Variants in PHACTR4 observed in about 807,000 individuals in gnomAD.
PHACTR4 encodes protein phosphatase 1, regulatory subunit 124.
In PHACTR4, 51 loss-of-function variants were observed where a neutral mutation model predicts 72.7. That is an observed-to-expected ratio of 0.70 (90% CI 0.56 to 0.89). The LOEUF (loss-of-function observed/expected upper bound fraction) is 0.89, where lower values mean the gene tolerates loss of function less well. Ranked by LOEUF, PHACTR4 falls within the 40% of genes least tolerant of loss-of-function variation. The probability of loss-of-function intolerance (pLI) is 0.00; values close to 1 mark genes in which losing one functional copy is unlikely to be tolerated. For synonymous variants in PHACTR4, 255 were observed against 302.5 expected (o/e 0.84, Z 1.63); for missense variants, 731 against 861.8 (o/e 0.85, Z 1.90).
intron 1 of PHACTR4, among the ~76,000 whole-genome samples, chr1:28,383,152 A>C (rs1254770039): frequency 6.6e-6 from 1 of 152,164 alleles, no homozygotes; most frequent in Non-Finnish European, 1.5e-5. Flanking sequence ...GGCTTATCAA[A>C]GATCAGATAC....
Position 28,407,034 on chromosome 1 carries a change from T to C in PHACTR4, c.-38-376T>C, listed in dbSNP as rs143367653. On this transcript the variant is annotated intron_variant, in intron 1 of 13. Coordinates refer to ENST00000373839, the MANE Select transcript of PHACTR4 (RefSeq NM_001048183.3). The stretch of plus-strand genomic sequence containing the variant: ...AATGAGGATTGGAAAGGGAGCTTAT[T>C]TGAGGAAACTGACAATAATATATTT... Among the ~76,000 whole-genome samples, 632 of 152,302 alleles carry C rather than the reference T, an allele frequency of 4.1e-3. 5 individuals are homozygous for C. Among genetic ancestry groups the C allele is most frequent in the African/African-American group, 0.014 (599 of 41,564 alleles).
intron 6 of PHACTR4, among the ~76,000 whole-genome samples, chr1:28,469,481 G>T (rs573919456): frequency 6.6e-6 from 1 of 152,308 alleles, no homozygotes; most frequent in South Asian, 2.1e-4. Context: ...ACAGCCAGAT[G>T]CTGTTGTCAG....
At chr1:28,488,204 C>G (rs966677338) in intron 9 of PHACTR4, among the ~76,000 whole-genome samples, 3 of 152,004 alleles carry the variant, frequency 2.0e-5, no homozygotes, top group Non-Finnish European at 4.4e-5. Context: ...ATTTAAAAAC[C>G]TAGCTGGGCA....
intron 1 of PHACTR4, among the ~76,000 whole-genome samples, chr1:28,394,603 T>C (rs1221137126): frequency 6.6e-6 from 1 of 151,604 alleles, no homozygotes; most frequent in African/African-American, 2.4e-5. Flanking sequence ...CTTTTCTTTT[T>C]TTTTTTTTTG....
chr1:28,386,203 C>G (rs566938010), intron 1 of PHACTR4, among the ~76,000 whole-genome samples: 2 of 152,114 alleles, frequency 1.3e-5, no homozygotes, highest in East Asian at 3.9e-4. Context: ...AAACAATTCT[C>G]CTGCCTCAGC....
chr1:28,421,715 G>A (rs983453080), intron 2 of PHACTR4, among the ~76,000 whole-genome samples: 2 of 152,048 alleles, frequency 1.3e-5, no homozygotes, highest in Non-Finnish European at 2.9e-5. Flanking sequence ...GTAATCAAAG[G>A]GCACAAATAG....
chr1:28,434,785 G>A (rs1324188682), intron 2 of PHACTR4, among the ~76,000 whole-genome samples: 1 of 152,036 alleles, frequency 6.6e-6, no homozygotes, highest in Non-Finnish European at 1.5e-5. Flanking sequence ...TCCTACCTTC[G>A]CCTGTCCAAA....
rs140304380 is a variant in PHACTR4, at chr1:28,402,947, A to G, written c.-38-4463A>G. Among the ~76,000 whole-genome samples the G allele has an allele frequency of 2.2e-3, 334 of 152,328 alleles. 1 individual carries two copies. The highest frequency in any genetic ancestry group is 7.6e-3 in the African/African-American group (318 of 41,580). ...CTTTGGAAGAGTTCAGTATAATCTA[A>G]TAGAGAAATTAAAGGTCTATAAGAG... is the stretch of plus-strand genomic sequence containing the variant. On this transcript the variant is annotated intron_variant, in intron 1 of 13. Transcript: ENST00000373839.
At chr1:28,434,902 A>G (rs1276016415) in intron 2 of PHACTR4, among the ~76,000 whole-genome samples, 1 of 152,146 alleles carries the variant, frequency 6.6e-6, no homozygotes, top group Non-Finnish European at 1.5e-5. Flanking sequence ...CTATACCTAG[A>G]TCCATAAATC....
At chr1:28,476,787 T>TTTTTTTTTTTTTTTTGTTG (rs1659951822) in intron 8 of PHACTR4, among the ~76,000 whole-genome samples, 1 of 143,500 alleles carries the variant, frequency 7.0e-6, no homozygotes. Context: ...TTTTTTTTTT[T>TTTTTTTTTTTTTTTTGTTG]GAGACGGAGT....
chr1:28,498,577 G>GA lies in PHACTR4; in HGVS notation c.*2035dup, dbSNP rs1271685253. 6.6e-6 allele frequency: 1 copy of GA among 152,142 alleles called. No homozygotes were observed. Among genetic ancestry groups the GA allele is most frequent in the African/African-American group, 2.4e-5 (1 of 41,428 alleles). The allele number at this position is 152,142 out of a possible 1,614,324, so 9.4% of individuals were successfully genotyped here. ...ATTCCTATCCACACTATAAATGGAA[G>GA]AAAAAAATTAATAGCTTCTGTTTAA... On this transcript the variant is annotated 3_prime_UTR_variant, in exon 14 of 14. Transcript: ENST00000373839.
rs200545751 is a variant in PHACTR4 at position 28,424,197 on chromosome 1, TA to T, written c.16+16735del. Among the ~76,000 whole-genome samples, 410 of 151,918 alleles carry T rather than the reference TA, an allele frequency of 2.7e-3. 1 individual carries two copies. The highest frequency in any genetic ancestry group is 9.4e-3 in the African/African-American group (387 of 41,374). Reference sequence around the variant, plus strand: ...AAAAATTATTAATTAATTATTTTTTTATTTTTATTTTTGAGGCAGGGTCTCA... The same window carrying T: ...AAAAATTATTAATTAATTATTTTTTTTTTTTATTTTTGAGGCAGGGTCTCA... On this transcript the variant is annotated intron_variant, in intron 2 of 13. Transcript: ENST00000373839.
intron 1 of PHACTR4, among the ~76,000 whole-genome samples, chr1:28,393,543 TAAAC>T (rs1268161926): frequency 4.6e-5 from 7 of 152,208 alleles, no homozygotes; most frequent in Non-Finnish European, 1.0e-4. Flanking sequence ...ATGCTGGTAG[TAAAC>T]AAACCTGTGC....
chr1:28,376,971 A>G (rs1651729194), intron 1 of PHACTR4, among the ~76,000 whole-genome samples: 1 of 146,832 alleles, frequency 6.8e-6, no homozygotes, highest in Middle Eastern at 4.0e-3. Flanking sequence ...TGCTCTTGTC[A>G]CTCAGGTTGG....
intron 8 of PHACTR4, among the ~76,000 whole-genome samples, chr1:28,479,606 C>T (rs1483019011): frequency 6.7e-6 from 1 of 148,730 alleles, no homozygotes; most frequent in Non-Finnish European, 1.5e-5. Flanking sequence ...AAAAAAGAGG[C>T]CAGGCGTGGT....
At chr1:28,426,749 A>T (rs1311746261) in intron 2 of PHACTR4, among the ~76,000 whole-genome samples, 2 of 149,742 alleles carry the variant, frequency 1.3e-5, no homozygotes, top group Non-Finnish European at 3.0e-5. Flanking sequence ...TAGAGACAAG[A>T]TCTGCCCCCA....
At chr1:28,493,199 T>G (rs1040813327) in intron 13 of PHACTR4, 108 bp downstream of exon 13, 2 of 939,550 alleles carry the variant, frequency 2.1e-6, no homozygotes, top group African/African-American at 3.3e-5. Context: ...ACACTCAGTG[T>G]TGATTGCAAG....
chr1:28,447,384 CTTTCTTT>C (rs992962771), intron 2 of PHACTR4, among the ~76,000 whole-genome samples: 14 of 149,142 alleles, frequency 9.4e-5, no homozygotes, highest in South Asian at 8.5e-4. Flanking sequence ...TGTATTTCCT[CTTTCTTT>C]TTTCTTTTTT....
chr1:28,480,335 G>T, intron 8 of PHACTR4, 116 bp from the exon 9 acceptor site: 5 of 1,215,254 alleles, frequency 4.1e-6, no homozygotes, highest in Non-Finnish European at 5.7e-6. Flanking sequence ...TTGAGGCCAG[G>T]TGGGAACTGG....
Sources: allele counts gnomAD v4.1 joint callset (sites outside exome capture counted in the v4.1 genomes callset), GRCh38; gene constraint gnomAD v4.1.1; transcripts MANE v1.5; gene names NCBI Gene and HGNC (gene_info 2026-07-23, HGNC 2026-07-21).